Variants in UGT2B7 observed in about 807,000 individuals in gnomAD.
UGT2B7 encodes the protein UDP glucuronosyltransferase family 2 member B7.
UGT2B7 carries 51 observed loss-of-function variants against 51.9 expected under a neutral mutation model. The ratio of observed to expected loss-of-function variants is 0.98; its 90% CI spans 0.78 to 1.24. UGT2B7 has a LOEUF of 1.24. Ranked by LOEUF, UGT2B7 falls within the 50% of genes most tolerant of loss-of-function variation. The pLI, the probability that UGT2B7 is intolerant of heterozygous loss-of-function variation, is 0.00. For missense variants in UGT2B7, 727 were observed against 628.4 expected, an observed-to-expected ratio of 1.16 and a Z score of -1.68; for synonymous variants, 225 against 211.6, an observed-to-expected ratio of 1.06 and a Z score of -0.55.
At chr4:69,082,781 T>C (rs1718867104) in intron 1 of UGT2B7, among the ~76,000 whole-genome samples, 1 of 152,128 alleles carries the variant, frequency 6.6e-6, no homozygotes. Flanking sequence ...TTGATGATGG[T>C]GATTACACTA....
chr4:69,075,459 A>T (rs571492287), intron 1 of UGT2B7, among the ~76,000 whole-genome samples: 1 of 152,120 alleles, frequency 6.6e-6, no homozygotes, highest in South Asian at 2.1e-4. Context: ...CCAGTGTCAC[A>T]CACAAAGTCC....
At chr4:69,075,547 A>C (rs1344307004) in intron 1 of UGT2B7, among the ~76,000 whole-genome samples, 1 of 152,210 alleles carries the variant, frequency 6.6e-6, no homozygotes, top group East Asian at 1.9e-4. Context: ...CAGGAATTTG[A>C]GTCTTTTGAC....
chr4:69,070,657 T>C (rs917317318), intron 1 of UGT2B7, among the ~76,000 whole-genome samples: 2 of 152,046 alleles, frequency 1.3e-5, no homozygotes, highest in Admixed American at 6.6e-5. Flanking sequence ...GTGGGCTACA[T>C]GGAAATAGAA....
chr4:69,107,472 G>A (rs1270715415), intron 4 of UGT2B7, among the ~76,000 whole-genome samples: 2 of 152,070 alleles, frequency 1.3e-5, no homozygotes, highest in African/African-American at 4.8e-5. Flanking sequence ...GTCTGAATCG[G>A]GGGAATCTTT....
intron 4 of UGT2B7, among the ~76,000 whole-genome samples, chr4:69,107,720 T>G (rs1719645929): frequency 6.6e-6 from 1 of 152,150 alleles, no homozygotes; most frequent in Non-Finnish European, 1.5e-5. Flanking sequence ...CTGTCCTTCC[T>G]CAATCCTAGC....
chr4:69,095,469 A>G (rs1719198106), upstream of UGT2B7, among the ~76,000 whole-genome samples: 2 of 152,212 alleles, frequency 1.3e-5, no homozygotes, highest in Non-Finnish European at 1.5e-5. Flanking sequence ...TTTTAGCAGT[A>G]TGCTGGACCT....
chr4:69,094,737 C>G (rs1236987780), upstream of UGT2B7, among the ~76,000 whole-genome samples: 1 of 152,256 alleles, frequency 6.6e-6, no homozygotes, highest in Non-Finnish European at 1.5e-5. Flanking sequence ...ATTAACCCAC[C>G]CTTTCACAAA....
chr4:69,063,321 A>AAAAAAAAAAAAAG (rs1560499400), intron 1 of UGT2B7, among the ~76,000 whole-genome samples: 40 of 126,346 alleles, frequency 3.2e-4, no homozygotes, highest in Non-Finnish European at 5.0e-4. Flanking sequence ...TCCGTCTCAA[A>AAAAAAAAAAAAAG]AAAAAAAAAA....
chr4:69,069,585 T>C (rs1249011002), intron 1 of UGT2B7: 1 of 152,088 alleles, frequency 6.6e-6, no homozygotes, highest in African/African-American at 2.4e-5. Context: ...AAATTTCACA[T>C]ATTTATCTTT....
At chr4:69,052,709 G>A (rs1036205318) in intron 1 of UGT2B7, among the ~76,000 whole-genome samples, 1 of 113,740 alleles carries the variant, frequency 8.8e-6, no homozygotes, top group East Asian at 2.9e-4. Context: ...GAGACATGTT[G>A]AAGAATTGTC....
chr4:69,079,448 C>A (rs1034979991), intron 1 of UGT2B7, among the ~76,000 whole-genome samples: 3 of 152,220 alleles, frequency 2.0e-5, no homozygotes, highest in African/African-American at 7.2e-5. Context: ...CAAACCTGTA[C>A]GTTGTGCACA....
chr4:69,074,518 G>A (rs1157062017), intron 1 of UGT2B7, among the ~76,000 whole-genome samples: 7 of 150,592 alleles, frequency 4.6e-5, no homozygotes, highest in African/African-American at 7.4e-5. Flanking sequence ...TTCCAACTGC[G>A]TGTCACTGGT....
intron 1 of UGT2B7, among the ~76,000 whole-genome samples, chr4:69,055,355 A>T (rs1276201030): frequency 6.6e-6 from 1 of 150,946 alleles, no homozygotes; most frequent in Non-Finnish European, 1.5e-5. Context: ...CAAAAAAAAA[A>T]AAAGGTCAGC....
chr4:69,070,377 A>G (rs1271624721), intron 1 of UGT2B7, among the ~76,000 whole-genome samples: 1 of 149,554 alleles, frequency 6.7e-6, no homozygotes, highest in African/African-American at 2.4e-5. Flanking sequence ...TGTTACCTAG[A>G]TAAAGAACCC....
intron 5 of UGT2B7, among the ~76,000 whole-genome samples, chr4:69,109,293 T>C (rs577570289): frequency 3.5e-4 from 53 of 152,318 alleles, no homozygotes; most frequent in Non-Finnish European, 5.7e-4. Context: ...GGGAACTGTA[T>C]GTTTATGAAG....
At position 69,097,313 on chromosome 4, in the gene UGT2B7, G is replaced by A. The variant is rs1356171178; in HGVS notation, c.721+72G>A. 7.8e-6 allele frequency: 12 copies of A among 1,530,108 alleles called. No homozygotes were observed. The East Asian group carries it at 2.5e-4, about 32-fold the overall frequency. The allele number at this position is 1,530,108 out of a possible 1,614,324, so 94.8% of individuals were successfully genotyped here. A position where few individuals can be genotyped will look rare whatever the true frequency, so the allele number is the denominator to read the frequency against. On this transcript the variant is annotated intron_variant, in intron 1 of 5. Coordinates refer to ENST00000305231, the MANE Select transcript of UGT2B7 (RefSeq NM_001074.4). ...GTCTTTGAAGCAGAGCTTATATAAA[G>A]CCATAAAGTCAGGGTAGTGGGGTTT... is the stretch of plus-strand genomic sequence containing the variant.
intron 1 of UGT2B7, among the ~76,000 whole-genome samples, chr4:69,078,132 A>G (rs1718757080): frequency 1.3e-5 from 2 of 152,012 alleles, no homozygotes; most frequent in Non-Finnish European, 2.9e-5. Context: ...CCAGTCTTGC[A>G]TCACAAATAT....
At chr4:69,107,763 C>T (rs964020968) in intron 4 of UGT2B7, among the ~76,000 whole-genome samples, 5 of 152,198 alleles carry the variant, frequency 3.3e-5, no homozygotes, top group East Asian at 3.9e-4. Context: ...CTGCCTTGCC[C>T]ACCCCATATA....
chr4:69,056,492 T>G (rs1718202599), intron 1 of UGT2B7, among the ~76,000 whole-genome samples: 1 of 152,188 alleles, frequency 6.6e-6, no homozygotes, highest in Admixed American at 6.5e-5. Flanking sequence ...TACACATAGA[T>G]GATCAAGGAC....
Sources: allele counts gnomAD v4.1 joint callset (sites outside exome capture counted in the v4.1 genomes callset), GRCh38; gene constraint gnomAD v4.1.1; transcripts MANE v1.5; gene names NCBI Gene and HGNC (gene_info 2026-07-23, HGNC 2026-07-21).